KCNMA1: variants seen among roughly 807,000 people sequenced by gnomAD.
The protein encoded by KCNMA1 is Calcium-activated potassium channel subunit alpha-1.
A neutral mutation model predicts 140.0 loss-of-function variants in KCNMA1; 29 were observed. The observed-to-expected ratio is 0.21, with a 90% confidence interval of 0.15 to 0.28. The LOEUF (loss-of-function observed/expected upper bound fraction) is 0.28, where lower values mean the gene tolerates loss of function less well. KCNMA1 is among the 10% of genes least tolerant of loss of function. The pLI, the probability that KCNMA1 is intolerant of heterozygous loss-of-function variation, is 1.00. For missense variants in KCNMA1, 880 were observed against 1,602.2 expected (o/e 0.55, Z 7.70); for synonymous variants, 612 against 611.9 (o/e 1.00, Z 0.00).
intron 2 of KCNMA1, among the ~76,000 whole-genome samples, chr10:77,316,932 G>C (rs116700815): frequency 6.6e-6 from 1 of 152,114 alleles, no homozygotes; most frequent in Non-Finnish European, 1.5e-5. Context: ...CTAGCCCTGC[G>C]ACCCTGACTT....
At chr10:77,614,486 G>T (rs1409663094) in intron 1 of KCNMA1, among the ~76,000 whole-genome samples, 2 of 152,200 alleles carry the variant, frequency 1.3e-5, no homozygotes, top group Non-Finnish European at 2.9e-5. Flanking sequence ...CCTAACCAGT[G>T]CTTTGTGTAA....
chr10:77,550,602 G>A (rs1373461683), intron 1 of KCNMA1, among the ~76,000 whole-genome samples: 2 of 152,208 alleles, frequency 1.3e-5, no homozygotes, highest in East Asian at 3.9e-4. Context: ...TGGAGCAGGC[G>A]TCTCGGCAGA....
intron 1 of KCNMA1, among the ~76,000 whole-genome samples, chr10:77,487,238 T>C (rs536277119): frequency 7.2e-5 from 11 of 152,296 alleles, no homozygotes; most frequent in Non-Finnish European, 1.5e-4. Context: ...GATATGAACT[T>C]CTTTTCTGTA....
chr10:77,383,081 C>A (rs2154431814), intron 2 of KCNMA1, among the ~76,000 whole-genome samples: 1 of 144,164 alleles, frequency 6.9e-6, no homozygotes, highest in South Asian at 2.2e-4. Context: ...AACTCCCATA[C>A]ATTAATTTTC....
chr10:77,281,658 A>G (rs1245700066), intron 2 of KCNMA1, among the ~76,000 whole-genome samples: 1 of 152,160 alleles, frequency 6.6e-6, no homozygotes, highest in Admixed American at 6.5e-5. Context: ...TGACTGCCTT[A>G]TGATGGGATG....
At chr10:77,062,539 C>G (rs2095795112) in intron 14 of KCNMA1, among the ~76,000 whole-genome samples, 1 of 152,138 alleles carries the variant, frequency 6.6e-6, no homozygotes, top group Admixed American at 6.6e-5. Flanking sequence ...ACAAACCAGT[C>G]ATCATCTCCC....
At chr10:77,399,016 AT>A (rs2096169442) in intron 2 of KCNMA1, among the ~76,000 whole-genome samples, 1 of 152,220 alleles carries the variant, frequency 6.6e-6, no homozygotes, top group Non-Finnish European at 1.5e-5. Context: ...AGGAGAGATG[AT>A]GAAGACAAGC....
intron 16 of KCNMA1, among the ~76,000 whole-genome samples, chr10:77,024,135 T>C (rs2093163932): frequency 6.6e-6 from 1 of 152,192 alleles, no homozygotes; most frequent in Non-Finnish European, 1.5e-5. Context: ...AATCATTTTC[T>C]GGTATACTTA....
intron 2 of KCNMA1, among the ~76,000 whole-genome samples, chr10:77,313,099 C>T (rs954262524): frequency 1.3e-5 from 2 of 152,192 alleles, no homozygotes; most frequent in African/African-American, 4.8e-5. Flanking sequence ...GCGCAATTCA[C>T]CCCTAACCTA....
At chr10:77,446,050 G>C (rs973824145) in intron 1 of KCNMA1, among the ~76,000 whole-genome samples, 2 of 152,008 alleles carry the variant, frequency 1.3e-5, no homozygotes, top group Admixed American at 1.3e-4. Context: ...GGCTGGCATC[G>C]GGAGGGAGCT....
intron 1 of KCNMA1, among the ~76,000 whole-genome samples, chr10:77,501,910 T>C (rs563079869): frequency 6.6e-6 from 1 of 152,186 alleles, no homozygotes; most frequent in Non-Finnish European, 1.5e-5. Context: ...AAAGATGCAG[T>C]TCAAATTTGA....
At chr10:77,597,647 C>T (rs529694869) in intron 1 of KCNMA1, among the ~76,000 whole-genome samples, 23 of 152,284 alleles carry the variant, frequency 1.5e-4, no homozygotes, top group East Asian at 7.7e-4. Flanking sequence ...CCTCCAATTC[C>T]TTCCCCTCCT....
At chr10:77,419,955 A>C (rs2096832766) in intron 1 of KCNMA1, among the ~76,000 whole-genome samples, 2 of 152,222 alleles carry the variant, frequency 1.3e-5, no homozygotes, top group African/African-American at 4.8e-5. Context: ...TAGAGGCCCC[A>C]GAGAACTTGT....
chr10:76,895,952 G>C (rs753866460), intron 25 of KCNMA1, among the ~76,000 whole-genome samples: 8 of 152,176 alleles, frequency 5.3e-5, no homozygotes, highest in African/African-American at 1.4e-4. Context: ...CAAGGCAAAA[G>C]GTCAGGGCGA....
Position 77,310,065 on chromosome 10 carries a change from G to A in KCNMA1, c.541-58809C>T, listed in dbSNP as rs1489386659. ...GAGTTGGATTTTCATGGGTTGGGAG[G>A]ATTTGTAAAGGCATTGAAGGCATGG... On this transcript the variant is annotated intron_variant, in intron 2 of 27. Transcript: ENST00000286628. Among the ~76,000 whole-genome samples the A allele has an allele frequency of 2.0e-5, 3 of 152,148 alleles. No individual in the cohort carries two copies. The East Asian group carries it at 5.8e-4, about 29-fold the overall frequency.
intron 1 of KCNMA1, among the ~76,000 whole-genome samples, chr10:77,405,106 C>G (rs1330770729): frequency 6.6e-6 from 1 of 152,114 alleles, no homozygotes; most frequent in Non-Finnish European, 1.5e-5. Context: ...ACACAGGGGC[C>G]GAAACTGTAA....
chr10:77,411,459 T>C (rs1456085330), intron 1 of KCNMA1, among the ~76,000 whole-genome samples: 1 of 152,218 alleles, frequency 6.6e-6, no homozygotes, highest in Non-Finnish European at 1.5e-5. Context: ...CTCTATGACG[T>C]TGGTACTAAT....
At chr10:77,362,272 A>G (rs2094012601) in intron 2 of KCNMA1, among the ~76,000 whole-genome samples, 1 of 151,842 alleles carries the variant, frequency 6.6e-6, no homozygotes, top group African/African-American at 2.4e-5. Context: ...CACCCCCAAG[A>G]ACAATGACTT....
At chr10:77,111,308 G>A (rs984575201) in intron 7 of KCNMA1, among the ~76,000 whole-genome samples, 2 of 152,226 alleles carry the variant, frequency 1.3e-5, no homozygotes, top group African/African-American at 4.8e-5. Flanking sequence ...CTCTGCCTCT[G>A]CAAAATGTTT....
Sources: allele counts gnomAD v4.1 joint callset (sites outside exome capture counted in the v4.1 genomes callset), GRCh38; gene constraint gnomAD v4.1.1; transcripts MANE v1.5; gene names NCBI Gene and HGNC (gene_info 2026-07-23, HGNC 2026-07-21).